DMD: variants seen among roughly 807,000 people sequenced by gnomAD.
DMD encodes the protein mutant dystrophin.
In DMD, 63 loss-of-function variants were observed where a neutral mutation model predicts 330.1. The observed-to-expected ratio is 0.19, with a 90% CI of 0.16 to 0.24. The LOEUF (loss-of-function observed/expected upper bound fraction) is 0.24, where lower values mean the gene tolerates loss of function less well. Ranked by LOEUF, DMD falls within the 10% of genes least tolerant of loss-of-function variation. The probability of loss-of-function intolerance (pLI) is 1.00; values close to 1 mark genes in which losing one functional copy is unlikely to be tolerated. For missense variants in DMD, 3,344 were observed against 2,684.1 expected, an observed-to-expected ratio of 1.25 and a Z score of -5.43; for synonymous variants, 1,223 against 959.8, an observed-to-expected ratio of 1.27 and a Z score of -5.07.
At chrX:32,561,448 G>T (rs1162359581) in intron 16 of DMD, among the ~76,000 whole-genome samples, 2 of 111,602 alleles carry the variant, frequency 1.8e-5, no homozygotes, top group East Asian at 5.6e-4. Flanking sequence ...AGGCAGAAAA[G>T]ATTAGAGAAA....
intron 7 of DMD, among the ~76,000 whole-genome samples, chrX:32,791,926 A>T (rs985669138): frequency 8.9e-6 from 1 of 111,946 alleles, no homozygotes; most frequent in East Asian, 2.8e-4. Flanking sequence ...TGTCTTGTCC[A>T]TGACACATTA....
intron 57 of DMD, among the ~76,000 whole-genome samples, chrX:31,483,589 C>T (rs1253597413): frequency 1.8e-5 from 2 of 111,274 alleles, no homozygotes; most frequent in African/African-American, 6.5e-5. Flanking sequence ...TAAAATGAGG[C>T]CAAAGAAAAG....
chrX:31,855,199 C>G (rs1245142860), intron 48 of DMD, among the ~76,000 whole-genome samples: 1 of 105,037 alleles, frequency 9.5e-6, no homozygotes, highest in Admixed American at 1.1e-4. Context: ...GAGTGTGGTT[C>G]TGATGAATTC....
chrX:31,277,552 G>C (rs1326562902), intron 62 of DMD, among the ~76,000 whole-genome samples: 5 of 111,509 alleles, frequency 4.5e-5, no homozygotes, highest in Non-Finnish European at 9.4e-5. Flanking sequence ...GGGATCTAAG[G>C]TGGGAGACAC....
chrX:31,497,023 A>G, intron 56 of DMD, 79 bp from the exon 57 acceptor site: 2 of 1,088,145 alleles, frequency 1.8e-6, no homozygotes, highest in South Asian at 3.9e-5. Flanking sequence ...TTGAAAAAGT[A>G]CAATAAACCT....
chrX:32,780,143 T>TAAG (rs2074573283), intron 7 of DMD, among the ~76,000 whole-genome samples: 4 of 111,737 alleles, frequency 3.6e-5, no homozygotes, highest in Non-Finnish European at 7.5e-5. Flanking sequence ...AGACAAAATA[T>TAAG]GCCTTATGTT....
At chrX:32,393,721 G>T (rs1361412726) in intron 30 of DMD, among the ~76,000 whole-genome samples, 1 of 110,821 alleles carries the variant, frequency 9.0e-6, no homozygotes, top group Admixed American at 9.7e-5. Context: ...AAATTTAACT[G>T]ACATGGAAAG....
chrX:33,110,590 A>G (rs1383514528), intron 1 of DMD, among the ~76,000 whole-genome samples: 4 of 111,851 alleles, frequency 3.6e-5, no homozygotes, highest in African/African-American at 1.3e-4. Context: ...AAATTCACAG[A>G]TATTGCTAAT....
intron 47 of DMD, among the ~76,000 whole-genome samples, chrX:31,919,196 G>T (rs2094653545): frequency 9.0e-6 from 1 of 111,696 alleles, no homozygotes; most frequent in Non-Finnish European, 1.9e-5. Context: ...GCAACCTCTA[G>T]GAGATAACTG....
chrX:31,986,305 G>A (rs60125360), intron 44 of DMD, among the ~76,000 whole-genome samples: 344 of 111,347 alleles, frequency 3.1e-3, no homozygotes, highest in African/African-American at 0.011. Context: ...AATTTTTTTT[G>A]TACAATACTA....
chrX:32,093,919 T>A (rs1325954681), intron 44 of DMD, among the ~76,000 whole-genome samples: 3 of 105,586 alleles, frequency 2.8e-5, no homozygotes, highest in African/African-American at 1.0e-4. Context: ...AACCCTCCTT[T>A]AAAAAAAAAA....
chrX:32,511,324 C>T (rs747133910), intron 18 of DMD, among the ~76,000 whole-genome samples: 3 of 109,261 alleles, frequency 2.7e-5, no homozygotes, highest in Non-Finnish European at 3.8e-5. Flanking sequence ...GAGATGGAGA[C>T]CATCCTGGCC....
At chrX:32,140,348 G>T (rs2096746700) in intron 44 of DMD, among the ~76,000 whole-genome samples, 1 of 111,766 alleles carries the variant, frequency 8.9e-6, no homozygotes, top group African/African-American at 3.2e-5. Context: ...TTTTTTACAA[G>T]ATTGCACCAT....
At chrX:32,335,816 TATAAC>T (rs1056924044) in intron 41 of DMD, among the ~76,000 whole-genome samples, 8 of 105,795 alleles carry the variant, frequency 7.6e-5, no homozygotes, top group African/African-American at 1.4e-4. Flanking sequence ...TGTATATATG[TATAAC>T]ATGTTATATA....
intron 52 of DMD, among the ~76,000 whole-genome samples, chrX:31,711,651 T>G (rs750672463): frequency 1.8e-5 from 2 of 110,716 alleles, no homozygotes; most frequent in Admixed American, 9.7e-5. Context: ...TTTTTTTTTT[T>G]GCCTATTGGA....
At chrX:32,515,322 CAGATAACAG>C (rs898432136) in intron 18 of DMD, among the ~76,000 whole-genome samples, 4 of 111,178 alleles carry the variant, frequency 3.6e-5, no homozygotes, top group African/African-American at 1.3e-4. Flanking sequence ...GTAGTAAACA[CAGATAACAG>C]AGATAGGAGA....
chrX:32,713,263 GAACATA>G (rs750128181), intron 7 of DMD, among the ~76,000 whole-genome samples: 9 of 111,524 alleles, frequency 8.1e-5, no homozygotes, highest in Non-Finnish European at 1.5e-4. Context: ...TGCTCACCCT[GAACATA>G]AACACCCTTT....
intron 1 of DMD, among the ~76,000 whole-genome samples, chrX:33,153,032 G>A (rs1388954062): frequency 1.8e-5 from 2 of 112,566 alleles, no homozygotes; most frequent in African/African-American, 6.5e-5. Flanking sequence ...AAATGTAGAT[G>A]GTGCAGCATT....
rs1337664406 is a variant in DMD, at chrX:31,121,866, T to C, written c.*53A>G. The C allele has an allele frequency of 2.5e-6, 3 of 1,204,510 alleles. No individual in the cohort carries two copies. The highest frequency in any genetic ancestry group is 2.2e-5 in the Admixed American group (1 of 45,777). On this transcript the variant is annotated 3_prime_UTR_variant, in exon 79 of 79. Coordinates refer to ENST00000357033, the MANE Select transcript of DMD (RefSeq NM_004006.3). Reference sequence around the variant, plus strand: ...CTCCTTCTTCATCTGTCATGACTGATACTAAGGACTCCATCGCTCTGCCCA... The same window carrying C: ...CTCCTTCTTCATCTGTCATGACTGACACTAAGGACTCCATCGCTCTGCCCA...
Sources: gnomAD v4.1 joint callset for allele counts (sites outside exome capture counted in the v4.1 genomes callset) on GRCh38, gnomAD v4.1.1 for gene constraint, MANE v1.5 for transcripts, NCBI Gene and HGNC (gene_info 2026-07-23, HGNC 2026-07-21) for gene names.